PRIM2: variants seen among roughly 807,000 people sequenced by gnomAD.
PRIM2 encodes DNA primase large subunit.
A neutral mutation model predicts 67.3 loss-of-function variants in PRIM2; 39 were observed. That is an observed-to-expected ratio of 0.58 (90% CI 0.45 to 0.76). The LOEUF (loss-of-function observed/expected upper bound fraction) is 0.76. Ranked by LOEUF, PRIM2 falls within the 30% of genes least tolerant of loss-of-function variation. The pLI, the probability that PRIM2 is intolerant of heterozygous loss-of-function variation, is 0.00. For synonymous variants in PRIM2, 143 were observed against 198.7 expected, an observed-to-expected ratio of 0.72 and a Z score of 2.36; for missense variants, 398 against 598.7, an observed-to-expected ratio of 0.66 and a Z score of 3.50.
intron 11 of PRIM2, among the ~76,000 whole-genome samples, chr6:57,604,093 G>A (rs1456109639): frequency 1.1e-3 from 174 of 152,196 alleles, no homozygotes; most frequent in African/African-American, 4.1e-3. Context: ...GATCACTTGA[G>A]GTCAGGAGTT....
At chr6:57,591,962 A>G (rs1318983829) in intron 10 of PRIM2, among the ~76,000 whole-genome samples, 3 of 152,226 alleles carry the variant, frequency 2.0e-5, no homozygotes, top group South Asian at 2.1e-4. Flanking sequence ...AATATGGTAC[A>G]TATACAACAA....
intron 5 of PRIM2, among the ~76,000 whole-genome samples, chr6:57,337,623 T>C (rs1306416332): frequency 1.3e-5 from 2 of 152,052 alleles, no homozygotes; most frequent in African/African-American, 4.8e-5. Context: ...GGGTATATAA[T>C]GAAATGAAGG....
At position 57,515,573 on chromosome 6, in the gene PRIM2, C is replaced by T. The variant is rs1554348147; in HGVS notation, c.761+8119C>T. 9.9e-5 allele frequency among the ~76,000 whole-genome samples: 15 copies of T among 152,268 alleles called. 1 individual carries two copies. In the South Asian group the frequency reaches 1.9e-3, roughly 19 times the overall value. On this transcript the variant is annotated intron_variant, in intron 8 of 13. Coordinates refer to ENST00000615550, the MANE Select transcript of PRIM2 (RefSeq NM_000947.5). ...GAAGCCAAATGTTAAAGCTTATTAG[C>T]GTGTGTAGATTAGAGCCTTTATACC... is the stretch of plus-strand genomic sequence containing the variant.
intron 7 of PRIM2, among the ~76,000 whole-genome samples, chr6:57,479,271 G>A (rs1773554926): frequency 6.6e-6 from 1 of 152,156 alleles, no homozygotes; most frequent in South Asian, 2.1e-4. Flanking sequence ...ATAATTCTGA[G>A]CATTAACTGA....
At chr6:57,305,163 T>C in the PRIM2 span, among the ~76,000 whole-genome samples, 1 of 139,838 alleles carries the variant, frequency 7.2e-6, no homozygotes, top group Non-Finnish European at 1.5e-5. Flanking sequence ...ATCTTGGCAT[T>C]ATAACAGGAT....
At chr6:57,459,689 A>G (rs1278385201) in intron 7 of PRIM2, among the ~76,000 whole-genome samples, 4 of 152,172 alleles carry the variant, frequency 2.6e-5, no homozygotes, top group African/African-American at 9.7e-5. Context: ...CAGGATTTCT[A>G]TATTACAATA....
intron 8 of PRIM2, among the ~76,000 whole-genome samples, chr6:57,507,760 A>C (rs1173300458): frequency 1.3e-5 from 2 of 152,166 alleles, no homozygotes; most frequent in Non-Finnish European, 2.9e-5. Context: ...TTACGTAAAT[A>C]CAAGGTTAAG....
chr6:57,286,358 T>C, the PRIM2 span, among the ~76,000 whole-genome samples: 14 of 152,072 alleles, frequency 9.2e-5, no homozygotes, highest in African/African-American at 3.4e-4. Flanking sequence ...CTTCAAACTA[T>C]ACTACAAGGC....
chr6:57,442,983 G>A (rs1772248135), intron 7 of PRIM2, among the ~76,000 whole-genome samples: 1 of 152,024 alleles, frequency 6.6e-6, no homozygotes, highest in Non-Finnish European at 1.5e-5. Context: ...CTGCTTCTGA[G>A]TTCGATTATT....
At chr6:57,410,181 G>A (rs1214926542) in intron 7 of PRIM2, among the ~76,000 whole-genome samples, 37 of 151,868 alleles carry the variant, frequency 2.4e-4, no homozygotes, top group African/African-American at 3.1e-4. Context: ...AAAATTAACC[G>A]GCTGTGGTGG....
chr6:57,342,110 G>A (rs1216615013), intron 5 of PRIM2, among the ~76,000 whole-genome samples: 1 of 152,100 alleles, frequency 6.6e-6, no homozygotes, highest in African/African-American at 2.4e-5. Flanking sequence ...TTAATTTCTG[G>A]TGTTCTATTA....
chr6:57,581,580 G>A (rs1344046079), intron 10 of PRIM2, among the ~76,000 whole-genome samples: 2,137 of 152,270 alleles, frequency 0.014, 19 homozygotes, highest in Middle Eastern at 0.051. Context: ...GTAGGCATAC[G>A]TGTCTGAACA....
At chr6:57,249,393 G>A in the PRIM2 span, among the ~76,000 whole-genome samples, 182 of 152,316 alleles carry the variant, frequency 1.2e-3, no homozygotes, top group African/African-American at 4.2e-3. Context: ...TGTCCAGTCT[G>A]AGTAGGGCCA....
chr6:57,550,502 CTA>C (rs1384413983), intron 10 of PRIM2, among the ~76,000 whole-genome samples: 1 of 152,100 alleles, frequency 6.6e-6, no homozygotes, highest in African/African-American at 2.4e-5. Flanking sequence ...TCTCCTAACA[CTA>C]TTCTGGCAAA....
intron 10 of PRIM2, among the ~76,000 whole-genome samples, chr6:57,546,720 T>C (rs1396806142): frequency 1.3e-5 from 2 of 152,176 alleles, no homozygotes; most frequent in Non-Finnish European, 2.9e-5. Flanking sequence ...TGAATACTGT[T>C]TTATTTAGAT....
intron 10 of PRIM2, among the ~76,000 whole-genome samples, chr6:57,545,211 T>A (rs1775260877): frequency 6.6e-6 from 1 of 152,104 alleles, no homozygotes; most frequent in African/African-American, 2.4e-5. Context: ...ATACAAATAT[T>A]TAACATAGTA....
chr6:57,299,365 C>T, the PRIM2 span, among the ~76,000 whole-genome samples: 2 of 152,108 alleles, frequency 1.3e-5, no homozygotes, highest in Non-Finnish European at 2.9e-5. Context: ...AGGACATATT[C>T]TCAGAAAAAA....
the PRIM2 span, among the ~76,000 whole-genome samples, chr6:57,293,073 T>G: frequency 2.0e-5 from 3 of 151,536 alleles, no homozygotes; most frequent in African/African-American, 7.3e-5. Context: ...TGGGAGAAAA[T>G]TTTTGCAATC....
rs1466393376 is a variant in PRIM2, at chr6:57,578,119, C to T, written c.1021-22974C>T. ...TTCTCGTGATTAGATTGAGGTCATG[C>T]ATTTTTGGCAGGACAGGCGTGATGT... On this transcript the variant is annotated intron_variant, in intron 10 of 13. Coordinates refer to ENST00000615550, the MANE Select transcript of PRIM2 (RefSeq NM_000947.5). 4.6e-5 allele frequency among the ~76,000 whole-genome samples: 7 copies of T among 152,178 alleles called. No individual in the cohort carries two copies. The East Asian group carries it at 1.3e-3, about 29-fold the overall frequency.
Sources: allele counts gnomAD v4.1 joint callset (sites outside exome capture counted in the v4.1 genomes callset), GRCh38; gene constraint gnomAD v4.1.1; transcripts MANE v1.5; gene names NCBI Gene and HGNC (gene_info 2026-07-23, HGNC 2026-07-21).